The following PCDH15 variants were observed in gnomAD, a reference collection of about 807,000 sequenced individuals.
PCDH15 encodes protocadherin related 15.
Under a neutral mutation model 178.5 loss-of-function variants are expected in PCDH15, and 129 were observed. The ratio of observed to expected loss-of-function variants is 0.72; its 90% CI spans 0.63 to 0.84. PCDH15 has a LOEUF of 0.84. Among genes scored for constraint, PCDH15 ranks in the 40% least tolerant of loss-of-function variants. PCDH15 has a pLI of 0.00. For synonymous variants in PCDH15, 800 were observed against 732.0 expected (o/e 1.09, Z -1.50); for missense variants, 2,230 against 2,099.9 (o/e 1.06, Z -1.21).
intron 1 of PCDH15, among the ~76,000 whole-genome samples, chr10:54,719,903 T>C (rs957522022): frequency 3.3e-5 from 5 of 152,078 alleles, no homozygotes; most frequent in Non-Finnish European, 7.4e-5. Flanking sequence ...GTATGTACCA[T>C]ATTTTCTTTA....
intron 2 of PCDH15, among the ~76,000 whole-genome samples, chr10:54,535,448 C>A (rs564534899): frequency 6.6e-6 from 1 of 152,024 alleles, no homozygotes; most frequent in African/African-American, 2.4e-5. Context: ...CGGTGGCTCA[C>A]GCCTGTAATC....
chr10:54,877,255 T>C (rs1954162046), intron 3 of PCDH15, among the ~76,000 whole-genome samples: 1 of 152,166 alleles, frequency 6.6e-6, no homozygotes, highest in Admixed American at 6.6e-5. Flanking sequence ...CTGGGGAAAA[T>C]TGTGCGTAAC....
chr10:55,401,943 G>A (rs882026), intron 2 of PCDH15, among the ~76,000 whole-genome samples: 1 of 151,682 alleles, frequency 6.6e-6, no homozygotes, highest in South Asian at 2.1e-4. Flanking sequence ...GAATCTATTA[G>A]AGATTGTAAA....
At chr10:54,669,857 A>G (rs1454629783) in intron 1 of PCDH15, among the ~76,000 whole-genome samples, 1 of 151,726 alleles carries the variant, frequency 6.6e-6, no homozygotes, top group Non-Finnish European at 1.5e-5. Flanking sequence ...GTTCCAGACC[A>G]GCCTGGCAAA....
chr10:54,083,659 T>C (rs1287100979), intron 16 of PCDH15, among the ~76,000 whole-genome samples: 1 of 152,176 alleles, frequency 6.6e-6, no homozygotes, highest in African/African-American at 2.4e-5. Context: ...CTAAATGGGT[T>C]CAGGTTTCTA....
At chr10:55,165,177 T>A (rs566281628) in intron 2 of PCDH15, among the ~76,000 whole-genome samples, 13 of 152,116 alleles carry the variant, frequency 8.5e-5, no homozygotes, top group Non-Finnish European at 1.9e-4. Context: ...ATTCGTTTCA[T>A]GATTTTGTAT....
chr10:54,480,910 C>T (rs1210056932), intron 3 of PCDH15, among the ~76,000 whole-genome samples: 3 of 151,776 alleles, frequency 2.0e-5, no homozygotes, highest in Non-Finnish European at 4.4e-5. Flanking sequence ...AGATATAAGA[C>T]AGTGATTTTC....
At position 54,619,717 on chromosome 10, in the gene PCDH15, A is replaced by G. The variant is rs569087823; in HGVS notation, c.91+44455T>C. On this transcript the variant is annotated intron_variant, in intron 2 of 37. Coordinates refer to ENST00000644397, the MANE Select transcript of PCDH15 (RefSeq NM_001384140.1). ...GCTATACTCCACTTCTAACAAAATT[A>G]TCATCTTTAATTTTCTAGACTGCCG... Among the ~76,000 whole-genome samples the G allele has an allele frequency of 4.6e-4, 70 of 152,184 alleles. 1 individual carries two copies. Among genetic ancestry groups the G allele is most frequent in the African/African-American group, 1.6e-3 (67 of 41,556 alleles).
At chr10:54,921,049 G>A (rs191874100) in intron 2 of PCDH15, among the ~76,000 whole-genome samples, 22 of 152,236 alleles carry the variant, frequency 1.4e-4, no homozygotes, top group African/African-American at 5.3e-4. Context: ...CATTTCATGT[G>A]CATGTATTAT....
intron 3 of PCDH15, among the ~76,000 whole-genome samples, chr10:54,412,191 C>G (rs763851317): frequency 6.6e-6 from 1 of 150,916 alleles, no homozygotes; most frequent in South Asian, 2.1e-4. Context: ...GGGAAAACAT[C>G]TGATAAAATT....
chr10:55,314,837 C>T (rs1843683079), intron 1 of PCDH15, among the ~76,000 whole-genome samples: 1 of 152,078 alleles, frequency 6.6e-6, no homozygotes, highest in South Asian at 2.1e-4. Context: ...AAAATATACA[C>T]TTCTTGATAT....
intron 2 of PCDH15, among the ~76,000 whole-genome samples, chr10:55,027,420 G>T (rs1210384970): frequency 6.6e-6 from 1 of 151,736 alleles, no homozygotes; most frequent in Non-Finnish European, 1.5e-5. Context: ...AAATATATCA[G>T]AGGTGAATGA....
intron 2 of PCDH15, among the ~76,000 whole-genome samples, chr10:55,511,191 G>A (rs1173721812): frequency 3.3e-5 from 5 of 151,656 alleles, no homozygotes; most frequent in African/African-American, 1.2e-4. Flanking sequence ...GTTAAAGAAA[G>A]CATTCACTAA....
chr10:55,417,917 C>T (rs1295478949), intron 2 of PCDH15, among the ~76,000 whole-genome samples: 1 of 151,170 alleles, frequency 6.6e-6, no homozygotes, highest in East Asian at 1.9e-4. Context: ...GAAAAAAATG[C>T]AATTAGTATC....
At chr10:53,913,131 A>G (rs2083240840) in intron 25 of PCDH15, among the ~76,000 whole-genome samples, 1 of 152,322 alleles carries the variant, frequency 6.6e-6, no homozygotes, top group Admixed American at 6.5e-5. Context: ...CTTCAGAAAT[A>G]ACACCACACA....
intron 1 of PCDH15, among the ~76,000 whole-genome samples, chr10:55,224,969 TC>T (rs1319346242): frequency 6.6e-6 from 1 of 152,116 alleles, no homozygotes; most frequent in Non-Finnish European, 1.5e-5. Flanking sequence ...GCAAAGCCAC[TC>T]CTTGGTCAAT....
At chr10:54,764,224 GA>G (rs1948240853) in intron 1 of PCDH15, among the ~76,000 whole-genome samples, 1 of 152,006 alleles carries the variant, frequency 6.6e-6, no homozygotes, top group Non-Finnish European at 1.5e-5. Flanking sequence ...TGCCATATCA[GA>G]TATAGAAATT....
intron 2 of PCDH15, among the ~76,000 whole-genome samples, chr10:54,614,263 G>C (rs1443639881): frequency 6.6e-6 from 1 of 151,966 alleles, no homozygotes; most frequent in Non-Finnish European, 1.5e-5. Context: ...AAGAGATTTT[G>C]AGTTTCACCA....
At chr10:55,537,971 C>A (rs968741508) in intron 2 of PCDH15, among the ~76,000 whole-genome samples, 2 of 152,118 alleles carry the variant, frequency 1.3e-5, no homozygotes, top group African/African-American at 2.4e-5. Flanking sequence ...AGGCCTCAAG[C>A]CTTCACAATG....
Sources: allele counts gnomAD v4.1 joint callset (sites outside exome capture counted in the v4.1 genomes callset), GRCh38; gene constraint gnomAD v4.1.1; transcripts MANE v1.5; gene names NCBI Gene and HGNC (gene_info 2026-07-23, HGNC 2026-07-21).